Variants in AGO2 observed in about 807,000 individuals in gnomAD.
The protein encoded by AGO2 is protein argonaute-2.
AGO2 carries 5 observed loss-of-function variants against 102.3 expected under a neutral mutation model. The ratio of observed to expected loss-of-function variants is 0.05; its 90% CI spans 0.03 to 0.10. The LOEUF (loss-of-function observed/expected upper bound fraction) is 0.10, where lower values mean the gene tolerates loss of function less well. Among genes scored for constraint, AGO2 ranks in the 10% least tolerant of loss-of-function variants. AGO2 has a pLI of 1.00. For missense variants in AGO2, 541 were observed against 1,183.7 expected (o/e 0.46, Z 7.97); for synonymous variants, 449 against 473.1 (o/e 0.95, Z 0.66).
chr8:140,601,813 C>G (rs962192282), intron 1 of AGO2, among the ~76,000 whole-genome samples: 5 of 151,956 alleles, frequency 3.3e-5, no homozygotes, highest in African/African-American at 1.2e-4. Flanking sequence ...TGCTTTTCTC[C>G]CCCCAAATAT....
intron 3 of AGO2, chr8:140,572,222 A>AC (rs926567009): frequency 6.6e-6 from 1 of 151,888 alleles, no homozygotes; most frequent in African/African-American, 2.4e-5. Context: ...ATTTTAATAC[A>AC]CCCCCTCCCT....
chr8:140,621,122 T>C (rs551613604), intron 1 of AGO2, among the ~76,000 whole-genome samples: 4 of 152,292 alleles, frequency 2.6e-5, no homozygotes, highest in South Asian at 2.1e-4. Context: ...CCACCCACAG[T>C]TGCCCTCACA....
At chr8:140,582,878 G>A (rs188761246) in intron 2 of AGO2, among the ~76,000 whole-genome samples, 1 of 152,340 alleles carries the variant, frequency 6.6e-6, no homozygotes, top group Admixed American at 6.5e-5. Context: ...AATATTCCCA[G>A]TATAGACTTG....
rs147392710 is a variant in AGO2, at chr8:140,562,527, T to A, written c.444A>T (p.Ser148=). ...VSLQALHDAL[S]GRLPSVPFET... is the part of the protein sequence containing the mutation. ...CAAAAGGGACGCTGGGCAGCCGCCC[T>A]GAAAGTGCATCGTGTAACGCCTGCA... The change falls in exon 4 of 19, where the codon TCA becomes TCT. Residue 148 remains serine, a synonymous_variant. Coordinates refer to ENST00000220592, the MANE Select transcript of AGO2 (RefSeq NM_012154.5). 3.7e-5 allele frequency: 59 copies of A among 1,614,090 alleles called. No individual in the cohort carries two copies. The highest frequency in any genetic ancestry group is 3.3e-4 in the East Asian group (15 of 44,876).
chr8:140,543,132 CACAAA>C (rs907990473), intron 14 of AGO2, among the ~76,000 whole-genome samples: 24 of 149,644 alleles, frequency 1.6e-4, no homozygotes, highest in Middle Eastern at 3.4e-3. Flanking sequence ...TACTCTGTCT[CACAAA>C]ACAAAACAAA....
intron 10 of AGO2, 148 bp from the exon 11 acceptor site, chr8:140,551,584 C>T: frequency 1.2e-6 from 1 of 811,282 alleles, no homozygotes; most frequent in Non-Finnish European, 1.6e-6. Flanking sequence ...CTCTGACCTG[C>T]CTAGTGATGC....
intron 11 of AGO2, 150 bp from the exon 12 acceptor site, chr8:140,549,448 A>G: frequency 1.4e-6 from 1 of 712,956 alleles, no homozygotes; most frequent in East Asian, 2.8e-5. Flanking sequence ...GAATGAGGCC[A>G]GAATTCAGAG....
At position 140,525,801 on chromosome 8, in the gene AGO2, G is replaced by C. The variant is rs2072494511; in HGVS notation, c.*6243C>G. On this transcript the variant is annotated 3_prime_UTR_variant, in exon 19 of 19. Coordinates refer to ENST00000220592, the MANE Select transcript of AGO2 (RefSeq NM_012154.5). ...CAACATATGGAACCCAAAGAAAGAA[G>C]CGAAGGAGGCCCCGGGCCCACAGCA... 1 of 152,230 alleles carries C rather than the reference G, an allele frequency of 6.6e-6. No individual in the cohort carries two copies. The highest frequency in any genetic ancestry group is 2.4e-5 in the African/African-American group (1 of 41,430). The allele number at this position is 152,230 out of a possible 1,614,324, so 9.4% of individuals were successfully genotyped here. A position where few individuals can be genotyped will look rare whatever the true frequency, so the allele number is the denominator to read the frequency against.
intron 1 of AGO2, among the ~76,000 whole-genome samples, chr8:140,629,606 G>C (rs2074317041): frequency 6.6e-6 from 1 of 151,984 alleles, no homozygotes; most frequent in Non-Finnish European, 1.5e-5. Context: ...TTGGGAGGCT[G>C]CGGCAGGTGG....
intron 1 of AGO2, among the ~76,000 whole-genome samples, chr8:140,598,193 C>A (rs2073877088): frequency 6.6e-6 from 1 of 152,200 alleles, no homozygotes; most frequent in Non-Finnish European, 1.5e-5. Flanking sequence ...CGTCCACGAC[C>A]CGTATGGGAA....
intron 2 of AGO2, among the ~76,000 whole-genome samples, chr8:140,576,515 G>A (rs145141858): frequency 2.8e-3 from 428 of 152,284 alleles, no homozygotes; most frequent in African/African-American, 9.3e-3. Context: ...CACAAATGGC[G>A]GGTAAGCACA....
At chr8:140,578,203 C>A (rs1022117450) in intron 2 of AGO2, among the ~76,000 whole-genome samples, 4 of 152,344 alleles carry the variant, frequency 2.6e-5, no homozygotes, top group Admixed American at 2.6e-4. Context: ...TGGCACCTTG[C>A]TGCCTAATTC....
intron 3 of AGO2, among the ~76,000 whole-genome samples, chr8:140,566,969 G>A (rs1022006713): frequency 5.3e-5 from 8 of 152,320 alleles, no homozygotes; most frequent in African/African-American, 1.9e-4. Context: ...ACACGCCCCA[G>A]CCAGGAGGTA....
At chr8:140,604,775 C>T (rs527924347) in intron 1 of AGO2, among the ~76,000 whole-genome samples, 138 of 152,012 alleles carry the variant, frequency 9.1e-4, no homozygotes, top group African/African-American at 2.8e-3. Flanking sequence ...TGCAGTGAGC[C>T]GAGGTCGCGC....
rs150671066 is a variant in AGO2, at chr8:140,585,296, G to A, written c.38C>T (p.Ala13Val). The change falls in exon 2 of 19, where the codon GCG becomes GTG. Residue 13 changes from alanine to valine, a missense_variant. Ala to Val is a moderately conservative substitution (Grantham distance 64, BLOSUM62 0). This residue lies in a region of AGO2 where 147 missense variants were observed against 204.1 expected (regional missense o/e 0.72). Coordinates refer to ENST00000220592, the MANE Select transcript of AGO2 (RefSeq NM_012154.5). ...ATATCCTTGGATGGGGGGCGGCGGC[G>A]CAGGAGGTGCAAGTGCTGGAATGGC... ...SGAGPALAPPAPPPPIQGYAF... is the reference protein window; with the variant it reads ...SGAGPALAPPVPPPPIQGYAF... The A allele has an allele frequency of 9.9e-6, 16 of 1,613,700 alleles. No homozygotes were observed. Among genetic ancestry groups the A allele is most frequent in the Middle Eastern group, 3.3e-4 (2 of 6,006 alleles).
chr8:140,637,660 G>A (rs897174111), upstream of AGO2: 2 of 152,272 alleles, frequency 1.3e-5, no homozygotes, highest in African/African-American at 4.8e-5. Flanking sequence ...TCTTTTCCTA[G>A]ATAAGCCCAT....
At chr8:140,556,375 T>C in intron 8 of AGO2, 89 bp from the exon 9 acceptor site, 1 of 1,544,892 alleles carries the variant, frequency 6.5e-7, no homozygotes, top group Non-Finnish European at 8.8e-7. Flanking sequence ...GTGGCCTGGC[T>C]CTGCTTGGGA....
chr8:140,567,208 C>T lies in AGO2; in HGVS notation c.337-4574G>A, dbSNP rs2073301684. Among the ~76,000 whole-genome samples, 1 of 152,242 alleles carries T rather than the reference C, an allele frequency of 6.6e-6. No homozygotes were observed. The highest frequency in any genetic ancestry group is 1.5e-5 in the Non-Finnish European group (1 of 68,038). On this transcript the variant is annotated intron_variant, in intron 3 of 18. Coordinates refer to ENST00000220592, the MANE Select transcript of AGO2 (RefSeq NM_012154.5). The surrounding 1 kb of genome is among the most constrained non-coding windows in gnomAD (Gnocchi z 5.0). ...TGCAGAGAAAGGACAGCAGAGTCACCCCGGGCTCTGTAACTATCTGCCCAT... is the reference window on the plus strand; with the variant it reads ...TGCAGAGAAAGGACAGCAGAGTCACTCCGGGCTCTGTAACTATCTGCCCAT...
intron 17 of AGO2, among the ~76,000 whole-genome samples, chr8:140,533,378 G>A (rs1272011527): frequency 7.8e-6 from 1 of 127,614 alleles, no homozygotes; most frequent in Non-Finnish European, 1.6e-5. Context: ...GACAGAGTGA[G>A]ACTCCGTCTC....
Sources: gnomAD v4.1 joint callset for allele counts (sites outside exome capture counted in the v4.1 genomes callset) on GRCh38, gnomAD v4.1.1 for gene constraint, gnomAD v4.1.1 regional missense constraint, Gnocchi (gnomAD v3.1) non-coding constraint, MANE v1.5 for transcripts, NCBI Gene and HGNC (gene_info 2026-07-23, HGNC 2026-07-21) for gene names.